Variants in PCTP observed in about 807,000 individuals in gnomAD.
The protein encoded by PCTP is START domain-containing protein 2.
A neutral mutation model predicts 31.0 loss-of-function variants in PCTP; 27 were observed. The ratio of observed to expected loss-of-function variants is 0.87; its 90% CI spans 0.64 to 1.20. PCTP has a LOEUF of 1.20. PCTP is among the 50% of genes most tolerant of loss of function. The pLI, the probability that PCTP is intolerant of heterozygous loss-of-function variation, is 0.00. For synonymous variants in PCTP, 108 were observed against 101.2 expected (o/e 1.07, Z -0.40); for missense variants, 287 against 268.2 (o/e 1.07, Z -0.49).
At chr17:55,754,884 GGT>G (rs1391758143) in intron 1 of PCTP, among the ~76,000 whole-genome samples, 1 of 151,780 alleles carries the variant, frequency 6.6e-6, no homozygotes, top group Non-Finnish European at 1.5e-5. Context: ...TATGTATGTG[GGT>G]GTGTGTGTAT....
intron 3 of PCTP, among the ~76,000 whole-genome samples, chr17:55,796,426 C>T (rs946837115): frequency 6.6e-6 from 1 of 151,914 alleles, no homozygotes; most frequent in African/African-American, 2.4e-5. Flanking sequence ...GGTAGTGTCT[C>T]TTTGGAGTAC....
At chr17:55,775,841 T>C in intron 5 of PCTP, 194 bp from the exon 6 acceptor site, 1 of 1,310,460 alleles carries the variant, frequency 7.6e-7, no homozygotes, top group East Asian at 2.9e-5. Flanking sequence ...GAAGTTCCTG[T>C]TGACTGGTCT....
At chr17:55,805,886 A>ATGTGTGTGTGTGCG (rs139343125) in intron 3 of PCTP, among the ~76,000 whole-genome samples, 5 of 142,762 alleles carry the variant, frequency 3.5e-5, no homozygotes, top group African/African-American at 1.3e-4. Context: ...CTCAATCTGT[A>ATGTGTGTGTGTGCG]TGTGTGTGTG....
intron 3 of PCTP, among the ~76,000 whole-genome samples, chr17:55,789,874 C>T (rs988939076): frequency 6.6e-6 from 1 of 152,156 alleles, no homozygotes; most frequent in Non-Finnish European, 1.5e-5. Flanking sequence ...AGACCAATAT[C>T]CTTGATGAAC....
intron 3 of PCTP, among the ~76,000 whole-genome samples, chr17:55,798,612 C>T (rs1465094001): frequency 6.6e-6 from 1 of 151,834 alleles, no homozygotes; most frequent in Non-Finnish European, 1.5e-5. Flanking sequence ...AAACTACCAG[C>T]CTAGACTTCT....
intron 3 of PCTP, among the ~76,000 whole-genome samples, chr17:55,792,086 C>T (rs1170659565): frequency 4.3e-5 from 6 of 140,362 alleles, no homozygotes; most frequent in African/African-American, 1.4e-4. Flanking sequence ...TATTCTCACT[C>T]ATAGGTGGGA....
intron 2 of PCTP, among the ~76,000 whole-genome samples, chr17:55,768,355 G>A (rs994223298): frequency 3.3e-5 from 5 of 152,020 alleles, no homozygotes; most frequent in African/African-American, 9.7e-5. Context: ...GAGGAGGTGC[G>A]GTCCAAGTTT....
chr17:55,823,994 C>T (rs1255401027), downstream of PCTP, among the ~76,000 whole-genome samples: 2 of 152,210 alleles, frequency 1.3e-5, no homozygotes, highest in South Asian at 2.1e-4. Context: ...GGGACTCCCA[C>T]ACTCCTTGCT....
chr17:55,812,842 G>A (rs1912796162), intron 3 of PCTP, among the ~76,000 whole-genome samples: 1 of 152,228 alleles, frequency 6.6e-6, no homozygotes. Context: ...GGAATTCACA[G>A]CCCTGTCACT....
chr17:55,776,134 G>GATGTCTCTGGAAGTGCAACCACCCA lies in PCTP; in HGVS notation c.*51_*75dup. The GATGTCTCTGGAAGTGCAACCACCCA allele has an allele frequency of 6.2e-7, 1 of 1,612,118 alleles. No individual in the cohort carries two copies. ...ACTGGGAACATTGCATCCATGGGTT[G>GATGTCTCTGGAAGTGCAACCACCCA]ATGTCTCTGGAAGTGCAACCACCCA... On this transcript the variant is annotated 3_prime_UTR_variant, in exon 6 of 6. Transcript: ENST00000268896.
chr17:55,756,742 T>TAC (rs1910046932), intron 1 of PCTP, among the ~76,000 whole-genome samples: 3 of 151,192 alleles, frequency 2.0e-5, no homozygotes, highest in Non-Finnish European at 4.4e-5. Flanking sequence ...TGTGTGTGTG[T>TAC]ATATATGTAT....
downstream of PCTP, among the ~76,000 whole-genome samples, chr17:55,777,876 C>G (rs915492871): frequency 7.3e-5 from 11 of 151,668 alleles, no homozygotes; most frequent in African/African-American, 2.4e-4. Context: ...CTGAATACTT[C>G]CTGTTAATAG....
intron 5 of PCTP, among the ~76,000 whole-genome samples, chr17:55,830,201 T>C (rs1239872663): frequency 6.6e-6 from 1 of 152,120 alleles, no homozygotes; most frequent in African/African-American, 2.4e-5. Flanking sequence ...CAGGGAGATT[T>C]TTCCAAGCTC....
chr17:55,816,568 T>C (rs1912924094), intron 3 of PCTP, among the ~76,000 whole-genome samples: 2 of 152,246 alleles, frequency 1.3e-5, no homozygotes, highest in South Asian at 4.1e-4. Context: ...CATGGCGTGT[T>C]AATGGTCTGG....
intron 3 of PCTP, among the ~76,000 whole-genome samples, chr17:55,809,803 G>A (rs1912691778): frequency 1.3e-5 from 2 of 152,190 alleles, no homozygotes; most frequent in South Asian, 4.1e-4. Context: ...TTACAGGCAT[G>A]AGCCACCACA....
downstream of PCTP, among the ~76,000 whole-genome samples, chr17:55,779,826 A>T (rs1053757244): frequency 6.6e-6 from 1 of 152,154 alleles, no homozygotes; most frequent in Non-Finnish European, 1.5e-5. Context: ...TCAAGTTTCC[A>T]AAGTGGAACA....
intron 3 of PCTP, among the ~76,000 whole-genome samples, chr17:55,795,368 A>G (rs1912150156): frequency 6.6e-6 from 1 of 152,094 alleles, no homozygotes; most frequent in South Asian, 2.1e-4. Flanking sequence ...GGACTTATTC[A>G]TAGAGCATGT....
intron 3 of PCTP, among the ~76,000 whole-genome samples, chr17:55,811,660 G>C (rs189709896): frequency 6.6e-6 from 1 of 152,224 alleles, no homozygotes; most frequent in Non-Finnish European, 1.5e-5. Context: ...CACTTCCACA[G>C]TCCAGCTGGG....
intron 3 of PCTP, among the ~76,000 whole-genome samples, chr17:55,797,575 G>A (rs942099715): frequency 6.6e-6 from 1 of 151,962 alleles, no homozygotes; most frequent in Admixed American, 6.6e-5. Flanking sequence ...TAAATCATGT[G>A]CCCTAGGTGG....
Sources: gnomAD v4.1 joint callset for allele counts (sites outside exome capture counted in the v4.1 genomes callset) on GRCh38, gnomAD v4.1.1 for gene constraint, MANE v1.5 for transcripts, NCBI Gene and HGNC (gene_info 2026-07-23, HGNC 2026-07-21) for gene names.